CDH9: variants seen among roughly 807,000 people sequenced by gnomAD.
CDH9 encodes the protein cadherin 9.
CDH9 carries 28 observed loss-of-function variants against 70.9 expected under a neutral mutation model. The observed-to-expected ratio is 0.40, with a 90% CI of 0.29 to 0.54. The LOEUF is 0.54. Ranked by LOEUF, CDH9 falls within the 20% of genes least tolerant of loss-of-function variation. The probability of loss-of-function intolerance (pLI) is 0.59; values close to 1 mark genes in which losing one functional copy is unlikely to be tolerated. For synonymous variants in CDH9, 409 were observed against 343.1 expected (o/e 1.19, Z -2.12); for missense variants, 874 against 984.4 (o/e 0.89, Z 1.50).
At chr5:26,997,570 A>T (rs115097893) in intron 1 of CDH9, among the ~76,000 whole-genome samples, 28 of 152,366 alleles carry the variant, frequency 1.8e-4, no homozygotes, top group African/African-American at 6.5e-4. Context: ...CATTTTAATC[A>T]GTGCCAGAGA....
At chr5:27,003,517 AGT>A in intron 1 of CDH9, among the ~76,000 whole-genome samples, 1 of 152,212 alleles carries the variant, frequency 6.6e-6, no homozygotes, top group Non-Finnish European at 1.5e-5. Flanking sequence ...AAACAAGGGT[AGT>A]AAGTACCCTC....
At chr5:26,936,707 G>T (rs2112030334) in intron 2 of CDH9, among the ~76,000 whole-genome samples, 1 of 152,124 alleles carries the variant, frequency 6.6e-6, no homozygotes, top group Middle Eastern at 3.4e-3. Flanking sequence ...ATAGATCAAT[G>T]AAACAGAATA....
At chr5:26,906,238 T>C in intron 4 of CDH9, 112 bp from the exon 5 acceptor site, 1 of 793,836 alleles carries the variant, frequency 1.3e-6, no homozygotes, top group South Asian at 1.8e-5. Context: ...AATGTCAGTG[T>C]ATTTAAATAT....
At chr5:26,956,575 A>T (rs1003282927) in intron 2 of CDH9, among the ~76,000 whole-genome samples, 1 of 152,142 alleles carries the variant, frequency 6.6e-6, no homozygotes, top group East Asian at 1.9e-4. Flanking sequence ...TATGGTTTGA[A>T]TATTTGTTCC....
chr5:26,951,050 T>C (rs1011794181), intron 2 of CDH9, among the ~76,000 whole-genome samples: 4 of 151,948 alleles, frequency 2.6e-5, no homozygotes. Context: ...TCCCAGCACT[T>C]TGGGAAGTCA....
chr5:27,010,300 C>T (rs532121086), intron 1 of CDH9, among the ~76,000 whole-genome samples: 10 of 152,038 alleles, frequency 6.6e-5, no homozygotes, highest in Non-Finnish European at 1.5e-4. Flanking sequence ...TAGATCCTCA[C>T]GTAAGTGGAA....
chr5:26,964,339 C>G (rs10462306), intron 2 of CDH9, among the ~76,000 whole-genome samples: 106,559 of 152,068 alleles, frequency 0.7, 40,725 homozygotes, highest in East Asian at 0.99. Flanking sequence ...TAAGACTTTG[C>G]TTCACTGAGT....
At chr5:27,024,381 AT>A (rs1338883360) in intron 1 of CDH9, among the ~76,000 whole-genome samples, 6 of 152,086 alleles carry the variant, frequency 3.9e-5, no homozygotes, top group African/African-American at 1.4e-4. Flanking sequence ...TTTTGAAAAA[AT>A]GTAGTGTCAC....
chr5:27,014,758 A>G (rs892092581), intron 1 of CDH9, among the ~76,000 whole-genome samples: 2 of 151,898 alleles, frequency 1.3e-5, no homozygotes, highest in African/African-American at 4.8e-5. Context: ...TATAATTATC[A>G]CTGGTTCATA....
At chr5:26,932,362 G>C (rs1741477745) in intron 2 of CDH9, among the ~76,000 whole-genome samples, 1 of 151,862 alleles carries the variant, frequency 6.6e-6, no homozygotes, top group South Asian at 2.1e-4. Context: ...GGTATGCAAA[G>C]CAGCAAATAT....
At chr5:26,890,603 A>C (rs756785120) in intron 7 of CDH9, 39 bp from the exon 8 acceptor site, 12 of 1,503,050 alleles carry the variant, frequency 8.0e-6, no homozygotes, top group African/African-American at 1.4e-5. Context: ...GCATTCTTCT[A>C]AGGTTATTAG....
intron 2 of CDH9, among the ~76,000 whole-genome samples, chr5:26,954,601 G>A (rs992230809): frequency 6.6e-6 from 1 of 151,554 alleles, no homozygotes; most frequent in Non-Finnish European, 1.5e-5. Flanking sequence ...AGCCAGGATG[G>A]TCTCAATCTC....
rs752474054 is a variant in CDH9, at chr5:26,988,172, G to A, written c.162C>T (p.Gly54=). 2 of 1,613,374 alleles carry A rather than the reference G, an allele frequency of 1.2e-6. No homozygotes were observed. The highest frequency in any genetic ancestry group is 3.3e-5 in the Admixed American group (2 of 59,928). ...ATAAGAAGAACTGATTCCACATCCA[G>A]CCACGCTTGGTGCGACGTAGCATTT... The part of the protein sequence containing the change: ...DGKMLRRTKR[G]WMWNQFFLLE... The change falls in exon 2 of 12, where the codon GGC becomes GGT. Residue 54 remains glycine (G), a synonymous_variant. Transcript: ENST00000231021.
chr5:26,907,627 G>A (rs1740972939), intron 3 of CDH9, among the ~76,000 whole-genome samples: 1 of 151,918 alleles, frequency 6.6e-6, no homozygotes, highest in East Asian at 1.9e-4. Context: ...ACATAAAAGT[G>A]CTTTAAAAGC....
At chr5:27,019,928 C>A (rs187792330) in intron 1 of CDH9, among the ~76,000 whole-genome samples, 1 of 151,798 alleles carries the variant, frequency 6.6e-6, no homozygotes, top group Admixed American at 6.6e-5. Context: ...ACAATGATTG[C>A]AATTTGAAGT....
At chr5:26,945,046 A>T (rs926598886) in intron 2 of CDH9, among the ~76,000 whole-genome samples, 1 of 152,132 alleles carries the variant, frequency 6.6e-6, no homozygotes, top group Non-Finnish European at 1.5e-5. Flanking sequence ...TGTGTTTTAG[A>T]GTTGCCATCT....
intron 3 of CDH9, among the ~76,000 whole-genome samples, chr5:26,914,658 G>T (rs1442965241): frequency 6.6e-6 from 1 of 151,930 alleles, no homozygotes; most frequent in South Asian, 2.1e-4. Flanking sequence ...ATCTCACATA[G>T]TTAACATTTT....
At chr5:26,906,688 A>G in intron 4 of CDH9, 31 bp downstream of exon 4, 1 of 1,610,026 alleles carries the variant, frequency 6.2e-7, no homozygotes, top group Non-Finnish European at 8.5e-7. Context: ...GTATTATACA[A>G]TAAGAAGTCA....
intron 2 of CDH9, among the ~76,000 whole-genome samples, chr5:26,942,754 T>C (rs1327899518): frequency 6.6e-6 from 1 of 152,162 alleles, no homozygotes; most frequent in Non-Finnish European, 1.5e-5. Flanking sequence ...GTTTAACCAG[T>C]TACATAGACT....
Sources: gnomAD v4.1 joint callset for allele counts (sites outside exome capture counted in the v4.1 genomes callset) on GRCh38, gnomAD v4.1.1 for gene constraint, MANE v1.5 for transcripts, NCBI Gene and HGNC (gene_info 2026-07-23, HGNC 2026-07-21) for gene names.